The following DLGAP2 variants were observed in gnomAD, a reference collection of about 807,000 sequenced individuals.
The protein encoded by DLGAP2 is DLG associated protein 2, also known as disks large-associated protein 2.
A neutral mutation model predicts 100.3 loss-of-function variants in DLGAP2; 26 were observed. That is an observed-to-expected ratio of 0.26 (90% CI 0.19 to 0.36). The LOEUF (loss-of-function observed/expected upper bound fraction) is 0.36, where lower values mean the gene tolerates loss of function less well. Among genes scored for constraint, DLGAP2 ranks in the 10% least tolerant of loss-of-function variants. The pLI, the probability that DLGAP2 is intolerant of heterozygous loss-of-function variation, is 1.00. For missense variants in DLGAP2, 1,858 were observed against 1,453.2 expected (o/e 1.28, Z -4.53); for synonymous variants, 886 against 630.1 (o/e 1.41, Z -6.08).
At chr8:994,806 G>GT (rs1417487093) in intron 2 of DLGAP2, among the ~76,000 whole-genome samples, 2 of 152,194 alleles carry the variant, frequency 1.3e-5, no homozygotes, top group East Asian at 3.8e-4. Context: ...TGTGATTCAA[G>GT]TTCCATATCA....
intron 3 of DLGAP2, among the ~76,000 whole-genome samples, chr8:1,263,693 G>GA (rs1320469583): frequency 1.3e-5 from 2 of 151,966 alleles, no homozygotes. Flanking sequence ...CAATTCTGGG[G>GA]AAAAAATGAT....
chr8:1,174,560 A>T (rs1250098885), intron 2 of DLGAP2, among the ~76,000 whole-genome samples: 1 of 140,034 alleles, frequency 7.1e-6, no homozygotes, highest in Non-Finnish European at 1.6e-5. Flanking sequence ...CAAAGTCATT[A>T]TTACCATCAC....
intron 3 of DLGAP2, among the ~76,000 whole-genome samples, chr8:1,446,886 C>T (rs1181963699): frequency 6.6e-6 from 1 of 152,126 alleles, no homozygotes; most frequent in African/African-American, 2.4e-5. Context: ...TGATTTGGCT[C>T]TCTGTTTGCC....
intron 2 of DLGAP2, among the ~76,000 whole-genome samples, chr8:1,220,943 T>C (rs1298095935): frequency 6.6e-6 from 1 of 152,208 alleles, no homozygotes; most frequent in East Asian, 1.9e-4. Flanking sequence ...TTGTTTTCCA[T>C]TTGCTTGATA....
intron 1 of DLGAP2, among the ~76,000 whole-genome samples, chr8:867,663 C>A (rs565684323): frequency 6.6e-6 from 1 of 152,194 alleles, no homozygotes; most frequent in South Asian, 2.1e-4. Context: ...GGTGTAGCCT[C>A]ATGATTTAAT....
At chr8:899,868 A>T (rs1328785465) in intron 1 of DLGAP2, among the ~76,000 whole-genome samples, 1 of 152,164 alleles carries the variant, frequency 6.6e-6, no homozygotes, top group Non-Finnish European at 1.5e-5. Flanking sequence ...CACACCACTT[A>T]TTTGTTATGT....
At chr8:1,370,005 C>G (rs1046264366) in intron 3 of DLGAP2, among the ~76,000 whole-genome samples, 2 of 152,140 alleles carry the variant, frequency 1.3e-5, no homozygotes, top group Admixed American at 6.5e-5. Context: ...CGCAGTTGCC[C>G]TCAGACCTGA....
intron 2 of DLGAP2, among the ~76,000 whole-genome samples, chr8:909,569 A>C (rs1048902067): frequency 6.6e-6 from 1 of 152,160 alleles, no homozygotes; most frequent in Non-Finnish European, 1.5e-5. Flanking sequence ...CCAAGTAATC[A>C]ATCTGTAGAA....
rs1232832933 is a variant in DLGAP2 at position 1,570,218 on chromosome 8, C to T, written c.1442+4324C>T. Among the ~76,000 whole-genome samples, 9 of 152,196 alleles carry T rather than the reference C, an allele frequency of 5.9e-5. 1 individual carries two copies. Among genetic ancestry groups the T allele is most frequent in the African/African-American group, 1.4e-4 (6 of 41,450 alleles). On this transcript the variant is annotated intron_variant, in intron 6 of 14. Coordinates refer to ENST00000637795, the MANE Select transcript of DLGAP2 (RefSeq NM_001346810.2). ...GGGAGGCACATACACATCCATGTGC[C>T]GTCTTCATTCTGCTGGCCTCCAGGG...
At chr8:1,249,943 T>C (rs7013470) in intron 2 of DLGAP2, among the ~76,000 whole-genome samples, 116,443 of 151,440 alleles carry the variant, frequency 0.77, 45,339 homozygotes, top group Middle Eastern at 0.88. Context: ...TGCAGTGGCG[T>C]GATCTCAGCT....
chr8:1,167,740 T>C (rs971932867), intron 2 of DLGAP2, among the ~76,000 whole-genome samples: 5 of 152,178 alleles, frequency 3.3e-5, no homozygotes, highest in Admixed American at 2.0e-4. Flanking sequence ...TCAGCATCCA[T>C]TCAGTTGACA....
At chr8:1,566,101 A>C (rs1802390742) in intron 6 of DLGAP2, among the ~76,000 whole-genome samples, 1 of 152,264 alleles carries the variant, frequency 6.6e-6, no homozygotes, top group Non-Finnish European at 1.5e-5. Flanking sequence ...ATAATAATTA[A>C]GGAAGTGTGC....
At chr8:1,049,837 G>C (rs947242729) in intron 2 of DLGAP2, among the ~76,000 whole-genome samples, 15 of 151,894 alleles carry the variant, frequency 9.9e-5, no homozygotes, top group Admixed American at 6.6e-5. Flanking sequence ...TGCATAGGCA[G>C]TCACATGTGT....
chr8:898,664 G>A (rs959646938), intron 1 of DLGAP2, among the ~76,000 whole-genome samples: 3 of 152,050 alleles, frequency 2.0e-5, no homozygotes, highest in Non-Finnish European at 2.9e-5. Flanking sequence ...TCACTCAGAT[G>A]CCTCTGTGGG....
intron 2 of DLGAP2, among the ~76,000 whole-genome samples, chr8:1,227,695 G>A (rs1044181136): frequency 2.6e-5 from 4 of 152,084 alleles, no homozygotes. Flanking sequence ...ATTACATGAT[G>A]TCACTTATAT....
intron 3 of DLGAP2, among the ~76,000 whole-genome samples, chr8:1,434,333 G>A (rs1179920419): frequency 1.3e-5 from 2 of 152,156 alleles, no homozygotes; most frequent in Non-Finnish European, 2.9e-5. Context: ...CCAGGTGGAA[G>A]AGCCATGTGG....
At chr8:831,395 G>T (rs1430987874) in intron 1 of DLGAP2, among the ~76,000 whole-genome samples, 2 of 152,028 alleles carry the variant, frequency 1.3e-5, no homozygotes, top group Non-Finnish European at 2.9e-5. Flanking sequence ...GCCCCAGTGT[G>T]TGATGTTCCC....
intron 2 of DLGAP2, among the ~76,000 whole-genome samples, chr8:1,211,840 A>T (rs532707559): frequency 2.0e-5 from 3 of 152,246 alleles, no homozygotes; most frequent in Non-Finnish European, 4.4e-5. Flanking sequence ...GTGCCATTGC[A>T]CTCCAGCCTG....
intron 2 of DLGAP2, among the ~76,000 whole-genome samples, chr8:1,131,043 G>A (rs562532663): frequency 2.6e-5 from 4 of 152,122 alleles, no homozygotes; most frequent in East Asian, 1.9e-4. Context: ...AGAAGGATGC[G>A]CATTATTTTC....
Sources: allele counts gnomAD v4.1 joint callset (sites outside exome capture counted in the v4.1 genomes callset), GRCh38; gene constraint gnomAD v4.1.1; transcripts MANE v1.5; gene names NCBI Gene and HGNC (gene_info 2026-07-23, HGNC 2026-07-21).